GALNT16: variants seen among roughly 807,000 people sequenced by gnomAD.
The protein encoded by GALNT16 is UDP-GalNAc:polypeptide N-acetylgalactosaminyltransferase-like protein 1.
Under a neutral mutation model 76.1 loss-of-function variants are expected in GALNT16, and 40 were observed. The observed-to-expected ratio is 0.53, with a 90% CI of 0.41 to 0.68. The LOEUF (loss-of-function observed/expected upper bound fraction) is 0.68, where lower values mean the gene tolerates loss of function less well. Among genes scored for constraint, GALNT16 ranks in the 30% least tolerant of loss-of-function variants. The pLI is 0.00. For synonymous variants in GALNT16, 276 were observed against 285.2 expected (o/e 0.97, Z 0.32); for missense variants, 621 against 731.9 (o/e 0.85, Z 1.75).
the GALNT16 span, among the ~76,000 whole-genome samples, chr14:69,379,631 C>T: frequency 5.9e-5 from 9 of 152,128 alleles, no homozygotes; most frequent in African/African-American, 1.4e-4. Flanking sequence ...ATTGGAAGTA[C>T]ACTCCAGCTT....
At chr14:69,260,136 A>AAGC, upstream of GALNT16, 4 of 113,988 alleles carry the variant, frequency 3.5e-5, no homozygotes, top group Non-Finnish European at 3.5e-5. Context: ...TCTCCCTATC[A>AAGC]CCCCCCCGCC....
intron 1 of GALNT16, among the ~76,000 whole-genome samples, chr14:69,284,226 C>G (rs2140120122): frequency 6.6e-6 from 1 of 152,324 alleles, no homozygotes; most frequent in East Asian, 1.9e-4. Context: ...AGCAGAGCCA[C>G]CACTTCAATG....
At chr14:69,366,555 C>T in the GALNT16 span, among the ~76,000 whole-genome samples, 1 of 152,200 alleles carries the variant, frequency 6.6e-6, no homozygotes, top group Non-Finnish European at 1.5e-5. Flanking sequence ...ATAACTACAA[C>T]TAAATTAGCT....
chr14:69,296,586 A>C (rs1266993525), intron 1 of GALNT16, among the ~76,000 whole-genome samples: 1 of 152,092 alleles, frequency 6.6e-6, no homozygotes, highest in African/African-American at 2.4e-5. Context: ...CCAGCTACTC[A>C]GGAGGCTGAG....
rs375325329 is a variant in GALNT16 at position 69,338,640 on chromosome 14, A to G, written c.968-11A>G. ...CCCCTTCCTCCTCCTGACGGCTACT[A>G]TTTCCTGCAGAGCTCTCCTTCAGGG... On this transcript the variant is annotated splice_polypyrimidine_tract_variant and intron_variant, in intron 9 of 14. Coordinates refer to ENST00000448469, the MANE Select transcript of GALNT16 (RefSeq NM_001168368.2). 21 of 1,610,642 alleles carry G rather than the reference A, an allele frequency of 1.3e-5. No individual in the cohort carries two copies. Among genetic ancestry groups the G allele is most frequent in the African/African-American group, 5.4e-5 (4 of 74,652 alleles).
chr14:69,320,817 A>G lies in GALNT16; in HGVS notation c.284A>G (p.Glu95Gly), dbSNP rs754723049. 3.1e-6 allele frequency: 5 copies of G among 1,614,052 alleles called. No individual in the cohort carries two copies. Among genetic ancestry groups the G allele is most frequent in the Non-Finnish European group, 2.5e-6 (3 of 1,180,016 alleles). The change falls in exon 2 of 15, where the codon GAG becomes GGG. Residue 95 changes from glutamate to glycine, a missense_variant. By Grantham distance (98) the Glu-to-Gly change is moderately conservative (BLOSUM62 -2). Transcript: ENST00000448469. ...AGACAGCACGCCTTCAACCAGCTGG[A>G]GAGTGACAAGCTGAGCCCAGACCGG... Reference protein sequence around the residue: ...PYRQHAFNQLESDKLSPDRPI... With the variant: ...PYRQHAFNQLGSDKLSPDRPI...
chr14:69,335,197 A>G (rs755332440), intron 9 of GALNT16, among the ~76,000 whole-genome samples: 2 of 152,154 alleles, frequency 1.3e-5, no homozygotes, highest in Non-Finnish European at 2.9e-5. Flanking sequence ...TTTCTCCCTG[A>G]TGAGGAAAAT....
At chr14:69,362,844 C>G in the GALNT16 span, among the ~76,000 whole-genome samples, 2 of 152,320 alleles carry the variant, frequency 1.3e-5, no homozygotes, top group Admixed American at 1.3e-4. Context: ...GCAGCTCAGA[C>G]ATGGTGGCCT....
At chr14:69,365,034 C>T in the GALNT16 span, among the ~76,000 whole-genome samples, 15 of 152,334 alleles carry the variant, frequency 9.8e-5, no homozygotes, top group African/African-American at 2.9e-4. Flanking sequence ...TGGAATCCAA[C>T]GATGTCTGAT....
chr14:69,274,531 G>A (rs768345637), intron 1 of GALNT16, among the ~76,000 whole-genome samples: 5 of 152,084 alleles, frequency 3.3e-5, no homozygotes, highest in Admixed American at 6.5e-5. Context: ...TTGGCTGTTG[G>A]CAAAAGACCT....
intron 1 of GALNT16, among the ~76,000 whole-genome samples, chr14:69,311,957 C>T (rs1233912943): frequency 6.6e-6 from 1 of 151,542 alleles, no homozygotes; most frequent in Admixed American, 6.6e-5. Flanking sequence ...AATCCCGGCA[C>T]TTTGGGAGGC....
chr14:69,291,570 C>T (rs771583955), intron 1 of GALNT16, among the ~76,000 whole-genome samples: 3 of 152,222 alleles, frequency 2.0e-5, no homozygotes, highest in Non-Finnish European at 4.4e-5. Flanking sequence ...CAAGCCCTGA[C>T]CTTGAGCCAG....
In GALNT16 at chr14:69,352,202, G is replaced by A; in HGVS notation, c.*34G>A. 6.4e-7 allele frequency: 1 copy of A among 1,562,070 alleles called. No individual in the cohort carries two copies. The highest frequency in any genetic ancestry group is 8.7e-7 in the Non-Finnish European group (1 of 1,151,422). On this transcript the variant is annotated 3_prime_UTR_variant, in exon 15 of 15. Coordinates refer to ENST00000448469, the MANE Select transcript of GALNT16 (RefSeq NM_001168368.2). ...CTGGGGCCTCCTGTACCTTTTGCAT[G>A]AGACTTCGGGACCGGAAGGGGGTTA... is the stretch of plus-strand genomic sequence containing the variant.
chr14:69,326,001 A>T lies in GALNT16; in HGVS notation c.542A>T (p.Lys181Met), dbSNP rs534637069. The T allele has an allele frequency of 3.1e-6, 5 of 1,614,106 alleles. No homozygotes were observed. Among genetic ancestry groups the T allele is most frequent in the Non-Finnish European group, 4.2e-6 (5 of 1,179,966 alleles). Residue 181 changes from lysine (K) to methionine (M), a missense_variant, in exon 5 of 15, where the codon AAG becomes ATG. Coordinates refer to ENST00000448469, the MANE Select transcript of GALNT16 (RefSeq NM_001168368.2). ...CLLLTRIPKVKCLRNDRREGL... is the reference protein window; with the variant it reads ...CLLLTRIPKVMCLRNDRREGL... ...CTCCTGACCAGGATCCCCAAGGTCA[A>T]GTGCCTGCGCAATGATCGGCGGGAA...
rs558978705 is a variant in GALNT16 at position 69,261,608 on chromosome 14, G to A, written c.177+1141G>A. On this transcript the variant is annotated intron_variant, in intron 1 of 14. Coordinates refer to ENST00000448469, the MANE Select transcript of GALNT16 (RefSeq NM_001168368.2). The surrounding 1 kb of genome is among the most constrained non-coding windows in gnomAD (Gnocchi z 6.4). Reference sequence around the variant, plus strand: ...GGGGTGGAGGGGTGAGGAGATCCGCGGGGGAGGTGCAAGGTCCGGAGGGCT... The same window carrying A: ...GGGGTGGAGGGGTGAGGAGATCCGCAGGGGAGGTGCAAGGTCCGGAGGGCT... Among the ~76,000 whole-genome samples the A allele has an allele frequency of 5.3e-5, 8 of 152,180 alleles. No individual in the cohort carries two copies. Among genetic ancestry groups the A allele is most frequent in the South Asian group, 4.2e-4 (2 of 4,816 alleles).
the GALNT16 span, among the ~76,000 whole-genome samples, chr14:69,378,527 A>G: frequency 6.6e-6 from 1 of 152,180 alleles, no homozygotes; most frequent in Non-Finnish European, 1.5e-5. Context: ...TCACCTTCAC[A>G]AAAAGGCTAC....
intron 12 of GALNT16, among the ~76,000 whole-genome samples, chr14:69,342,872 T>G (rs1402447174): frequency 6.6e-6 from 1 of 152,146 alleles, no homozygotes; most frequent in Non-Finnish European, 1.5e-5. Context: ...CCCTGAACAC[T>G]CTGAGTTTGC....
Position 69,352,275 on chromosome 14 carries a change from C to A in GALNT16, c.*107C>A. Reference sequence around the variant, plus strand: ...CTGTTCCCATCTCCTCACATTTCTGCCAGGACCATCAGCAAATACCCACCA... The same window carrying A: ...CTGTTCCCATCTCCTCACATTTCTGACAGGACCATCAGCAAATACCCACCA... On this transcript the variant is annotated 3_prime_UTR_variant, in exon 15 of 15. Transcript: ENST00000448469. 2.0e-6 allele frequency: 2 copies of A among 1,016,480 alleles called. No individual in the cohort carries two copies. The highest frequency in any genetic ancestry group is 2.8e-6 in the Non-Finnish European group (2 of 710,042). The allele number at this position is 1,016,480 out of a possible 1,614,324, so 63.0% of individuals were successfully genotyped here.
At chr14:69,372,480 T>C in the GALNT16 span, among the ~76,000 whole-genome samples, 10 of 149,326 alleles carry the variant, frequency 6.7e-5, no homozygotes, top group South Asian at 1.5e-3. Flanking sequence ...GTCTTAGTAG[T>C]GATCATTAGC....
Sources: gnomAD v4.1 joint callset for allele counts (sites outside exome capture counted in the v4.1 genomes callset) on GRCh38, gnomAD v4.1.1 for gene constraint, Gnocchi (gnomAD v3.1) non-coding constraint, MANE v1.5 for transcripts, NCBI Gene and HGNC (gene_info 2026-07-23, HGNC 2026-07-21) for gene names.